Variants in PPM1D observed in about 807,000 individuals in gnomAD.
PPM1D encodes the protein protein phosphatase 1D.
A neutral mutation model predicts 58.3 loss-of-function variants in PPM1D; 52 were observed. The observed-to-expected ratio is 0.89, with a 90% confidence interval of 0.71 to 1.12. The LOEUF (loss-of-function observed/expected upper bound fraction) is 1.12. Among genes scored for constraint, PPM1D ranks in the 50% most tolerant of loss-of-function variants. The pLI is 0.00. For missense variants in PPM1D, 564 were observed against 777.2 expected, an observed-to-expected ratio of 0.73 and a Z score of 3.26; for synonymous variants, 278 against 285.1, an observed-to-expected ratio of 0.98 and a Z score of 0.25.
intron 4 of PPM1D, among the ~76,000 whole-genome samples, chr17:60,651,641 C>A (rs1018757424): frequency 3.4e-4 from 51 of 152,058 alleles, no homozygotes; most frequent in African/African-American, 1.2e-3. Flanking sequence ...CATGATCCAC[C>A]CACCTCGGCC....
At chr17:60,623,862 T>TA in intron 2 of PPM1D, 113 bp downstream of exon 2, 1 of 1,075,356 alleles carries the variant, frequency 9.3e-7, no homozygotes, top group Non-Finnish European at 1.3e-6. Flanking sequence ...TTCTTAGTAT[T>TA]ACAGGTTTTT....
At chr17:60,660,912 C>A (rs966641986) in intron 5 of PPM1D, among the ~76,000 whole-genome samples, 12 of 152,012 alleles carry the variant, frequency 7.9e-5, no homozygotes, top group Admixed American at 4.6e-4. Context: ...TATAGCACTT[C>A]TAAGAAAGTT....
intron 5 of PPM1D, 180 bp downstream of exon 5, chr17:60,657,021 T>C (rs1567977792): frequency 6.5e-7 from 1 of 1,531,926 alleles, no homozygotes; most frequent in Non-Finnish European, 8.7e-7. Flanking sequence ...ATGCCAGCCA[T>C]GTGTACAGCA....
intron 3 of PPM1D, among the ~76,000 whole-genome samples, chr17:60,645,456 A>ATGTGTGTGTGTGTGTGTG (rs371276467): frequency 1.6e-5 from 2 of 123,908 alleles, no homozygotes; most frequent in African/African-American, 3.1e-5. Flanking sequence ...TAAAATATAT[A>ATGTGTGTGTGTGTGTGTG]TGTGTGTGTG....
intron 4 of PPM1D, among the ~76,000 whole-genome samples, chr17:60,654,652 A>G (rs2031401840): frequency 2.0e-5 from 3 of 151,728 alleles, no homozygotes; most frequent in Admixed American, 1.3e-4. Flanking sequence ...ACCTAAGATT[A>G]GGAGTTCAAG....
chr17:60,639,343 C>A (rs1167101803), intron 3 of PPM1D, among the ~76,000 whole-genome samples: 1 of 152,088 alleles, frequency 6.6e-6, no homozygotes, highest in African/African-American at 2.4e-5. Context: ...AACTCCTAAC[C>A]TCAGGTGATC....
rs779285507 is a variant in PPM1D, at chr17:60,647,914, C to T, written c.849C>T (p.Phe283=). Residue 283 remains phenylalanine (F), a synonymous_variant, in exon 4 of 6, where the codon TTC becomes TTT. Transcript: ENST00000305921. The stretch of plus-strand genomic sequence containing the variant: ...CAGGTGATTTGTGGAGCTATGATTT[C>T]TTCAGTGGTGAATTTGTGGTGTCAC... ...RALGDLWSYD[F]FSGEFVVSPE... 2.5e-6 allele frequency: 4 copies of T among 1,612,932 alleles called. No homozygotes were observed. In the African/African-American group the frequency reaches 4.0e-5, roughly 16 times the overall value.
At chr17:60,660,705 GAAC>G (rs1015787173) in intron 5 of PPM1D, among the ~76,000 whole-genome samples, 2 of 152,012 alleles carry the variant, frequency 1.3e-5, no homozygotes, top group African/African-American at 4.8e-5. Context: ...AGGTTGCAGT[GAAC>G]AGAGATCGCG....
chr17:60,663,147 A>C lies in PPM1D; in HGVS notation c.1413A>C (p.Pro471=). ...GTGTAGTCATACCCTCAAAAGATCC[A>C]GAACCACTTGAAGAAAATTGCGCTA... ...VQGVVIPSKD[P]EPLEENCAKA... Residue 471 remains proline (P), a synonymous_variant, in exon 6 of 6, where the codon CCA becomes CCC. Coordinates refer to ENST00000305921, the MANE Select transcript of PPM1D (RefSeq NM_003620.4). 1 of 1,614,206 alleles carries C rather than the reference A, an allele frequency of 6.2e-7. No individual in the cohort carries two copies. The highest frequency in any genetic ancestry group is 8.5e-7 in the Non-Finnish European group (1 of 1,180,030).
chr17:60,643,803 C>G (rs2031183015), intron 3 of PPM1D, among the ~76,000 whole-genome samples: 1 of 151,844 alleles, frequency 6.6e-6, no homozygotes, highest in Admixed American at 6.6e-5. Context: ...TTCATGAACC[C>G]CTGTAGAGCA....
intron 1 of PPM1D, among the ~76,000 whole-genome samples, chr17:60,603,021 A>C (rs901923062): frequency 1.3e-5 from 2 of 152,138 alleles, no homozygotes; most frequent in East Asian, 1.9e-4. Flanking sequence ...TTCAGGACAC[A>C]TGGAAATACT....
intron 2 of PPM1D, among the ~76,000 whole-genome samples, chr17:60,633,363 A>G (rs1309950876): frequency 6.6e-6 from 1 of 152,158 alleles, no homozygotes; most frequent in Non-Finnish European, 1.5e-5. Context: ...TCAGAACCCT[A>G]TAACCTTTCC....
chr17:60,663,133 C>G lies in PPM1D; in HGVS notation c.1399C>G (p.Pro467Ala), dbSNP rs752448334. Residue 467 changes from proline (P) to alanine (A), a missense_variant, in exon 6 of 6, where the codon CCC (proline) becomes GCC (alanine). Physicochemically the swap from Pro to Ala is conservative, Grantham distance 27 (BLOSUM62 -1). Transcript: ENST00000305921. The stretch of plus-strand genomic sequence containing the variant: ...AGAGAATGTCCAAGGTGTAGTCATA[C>G]CCTCAAAAGATCCAGAACCACTTGA... ...ARENVQGVVI[P>A]SKDPEPLEEN... 1 of 1,614,046 alleles carries G rather than the reference C, an allele frequency of 6.2e-7. No individual in the cohort carries two copies. Among genetic ancestry groups the G allele is most frequent in the Non-Finnish European group, 8.5e-7 (1 of 1,179,990 alleles).
At chr17:60,657,346 G>A (rs2031459568) in intron 5 of PPM1D, among the ~76,000 whole-genome samples, 1 of 152,124 alleles carries the variant, frequency 6.6e-6, no homozygotes, top group Admixed American at 6.5e-5. Flanking sequence ...TATTGATTGA[G>A]TTTAAGATAT....
intron 2 of PPM1D, among the ~76,000 whole-genome samples, chr17:60,632,100 A>C (rs1567970637): frequency 6.6e-6 from 1 of 151,902 alleles, no homozygotes; most frequent in Non-Finnish European, 1.5e-5. Flanking sequence ...AGGCTGAGGC[A>C]GGAGAATGGC....
chr17:60,650,397 A>G (rs1037413939), intron 4 of PPM1D, among the ~76,000 whole-genome samples: 2 of 152,178 alleles, frequency 1.3e-5, no homozygotes, highest in Admixed American at 6.5e-5. Flanking sequence ...CTAAAAATAC[A>G]AAAATCAGCC....
chr17:60,630,197 ATAAAT>A (rs2030892130), intron 2 of PPM1D, among the ~76,000 whole-genome samples: 2 of 151,796 alleles, frequency 1.3e-5, no homozygotes, highest in African/African-American at 2.4e-5. Flanking sequence ...ATAATTATAA[ATAAAT>A]AAAATAAATG....
chr17:60,640,052 C>A (rs887062144), intron 3 of PPM1D, among the ~76,000 whole-genome samples: 2 of 152,172 alleles, frequency 1.3e-5, no homozygotes, highest in Non-Finnish European at 2.9e-5. Flanking sequence ...GATGTGGTGG[C>A]TCACACCCAT....
intron 4 of PPM1D, among the ~76,000 whole-genome samples, chr17:60,649,124 T>C (rs1350622984): frequency 6.6e-6 from 1 of 151,804 alleles, no homozygotes; most frequent in Admixed American, 6.6e-5. Flanking sequence ...GGTGTCACTA[T>C]GTTGCCCAGG....
Sources: gnomAD v4.1 joint callset for allele counts (sites outside exome capture counted in the v4.1 genomes callset) on GRCh38, gnomAD v4.1.1 for gene constraint, MANE v1.5 for transcripts, NCBI Gene and HGNC (gene_info 2026-07-23, HGNC 2026-07-21) for gene names.